The following CD96 variants were observed in gnomAD, a reference collection of about 807,000 sequenced individuals.
CD96 encodes T-cell surface protein tactile.
CD96 carries 70 observed loss-of-function variants against 71.3 expected under a neutral mutation model. The observed-to-expected ratio is 0.98, with a 90% confidence interval of 0.81 to 1.20. The LOEUF is 1.20. Ranked by LOEUF, CD96 falls within the 50% of genes most tolerant of loss-of-function variation. The pLI is 0.00. For synonymous variants in CD96, 248 were observed against 233.0 expected, an observed-to-expected ratio of 1.06 and a Z score of -0.59; for missense variants, 742 against 677.5, an observed-to-expected ratio of 1.10 and a Z score of -1.06.
chr3:111,575,653 T>C (rs1936189305), intron 3 of CD96, among the ~76,000 whole-genome samples: 2 of 152,244 alleles, frequency 1.3e-5, no homozygotes. Flanking sequence ...ACATTTATTC[T>C]CTCAAGTTCT....
At chr3:111,648,396 A>G (rs1257332640) in intron 13 of CD96, among the ~76,000 whole-genome samples, 1 of 152,218 alleles carries the variant, frequency 6.6e-6, no homozygotes, top group African/African-American at 2.4e-5. Flanking sequence ...TTTGCAGAGT[A>G]TCCTTGAAGA....
chr3:111,605,344 A>T (rs1937593575), intron 7 of CD96, among the ~76,000 whole-genome samples: 1 of 152,218 alleles, frequency 6.6e-6, no homozygotes, highest in Non-Finnish European at 1.5e-5. Context: ...AAGATCAAGA[A>T]GTCCCAGAAG....
intron 10 of CD96, among the ~76,000 whole-genome samples, chr3:111,632,834 T>C (rs1243053023): frequency 6.6e-6 from 1 of 151,928 alleles, no homozygotes; most frequent in African/African-American, 2.4e-5. Flanking sequence ...ATGGATGGAG[T>C]TGGAATCTGT....
chr3:111,619,652 G>A (rs1938420108), intron 8 of CD96, among the ~76,000 whole-genome samples: 1 of 152,136 alleles, frequency 6.6e-6, no homozygotes, highest in South Asian at 2.1e-4. Flanking sequence ...AAAACAAAAG[G>A]TACAAAGCAA....
At position 111,649,978 on chromosome 3, in the gene CD96, G is replaced by T. The variant is rs886057770; in HGVS notation, c.*172G>T. 52 of 656,084 alleles carry T rather than the reference G, an allele frequency of 7.9e-5. No individual in the cohort carries two copies. In the Middle Eastern group the frequency reaches 1.0e-3, roughly 13 times the overall value. 40.6% of individuals were successfully genotyped at this position (656,084 alleles called of 1,614,324 possible). On this transcript the variant is annotated 3_prime_UTR_variant, in exon 14 of 14. Coordinates refer to ENST00000352690, the MANE Select transcript of CD96 (RefSeq NM_005816.5). ...AACTCACCCTCTTCCATCTCCAAACGCCTGAAGCTTAACCAAGAGTGAGAG... is the reference window on the plus strand; with the variant it reads ...AACTCACCCTCTTCCATCTCCAAACTCCTGAAGCTTAACCAAGAGTGAGAG...
At chr3:111,640,285 GA>G (rs998907677) in intron 12 of CD96, among the ~76,000 whole-genome samples, 28 of 151,802 alleles carry the variant, frequency 1.8e-4, no homozygotes, top group East Asian at 5.8e-4. Flanking sequence ...ATAGCTTAAA[GA>G]AAAAAAACAA....
intron 12 of CD96, among the ~76,000 whole-genome samples, chr3:111,643,470 T>A (rs1033858208): frequency 6.6e-6 from 1 of 151,958 alleles, no homozygotes; most frequent in Admixed American, 6.5e-5. Flanking sequence ...GTACTGGAAG[T>A]CCTAGCCAAA....
intron 3 of CD96, among the ~76,000 whole-genome samples, chr3:111,576,668 A>G (rs1936235114): frequency 6.6e-6 from 1 of 152,202 alleles, no homozygotes; most frequent in Non-Finnish European, 1.5e-5. Context: ...AATTTATTCT[A>G]CATAGTTGTA....
chr3:111,609,046 C>T (rs1054446057), intron 8 of CD96, among the ~76,000 whole-genome samples: 13 of 151,982 alleles, frequency 8.6e-5, no homozygotes, highest in African/African-American at 2.9e-4. Flanking sequence ...AAATGTTACC[C>T]GGGAGAGATG....
intron 12 of CD96, among the ~76,000 whole-genome samples, chr3:111,640,614 T>C (rs970278228): frequency 1.3e-5 from 2 of 152,160 alleles, no homozygotes; most frequent in Non-Finnish European, 2.9e-5. Flanking sequence ...GCCCTAGATG[T>C]GCAAATACAA....
intron 5 of CD96, chr3:111,594,401 T>G: frequency 1.7e-6 from 1 of 572,584 alleles, no homozygotes; most frequent in Non-Finnish European, 3.0e-6. Context: ...GTGAGTCAGA[T>G]ACAAGCAAAA....
At chr3:111,561,331 T>G (rs1031779643) in intron 2 of CD96, among the ~76,000 whole-genome samples, 8 of 149,294 alleles carry the variant, frequency 5.4e-5, no homozygotes, top group Admixed American at 6.7e-5. Context: ...TTTCCCCATC[T>G]TTGTGGTTTT....
At chr3:111,543,632 G>A (rs1934224860) in intron 1 of CD96, among the ~76,000 whole-genome samples, 1 of 152,134 alleles carries the variant, frequency 6.6e-6, no homozygotes, top group South Asian at 2.1e-4. Context: ...ATTAAGTATA[G>A]GTTACTTAGA....
At chr3:111,638,853 A>AT (rs1388742340) in intron 12 of CD96, among the ~76,000 whole-genome samples, 1 of 152,204 alleles carries the variant, frequency 6.6e-6, no homozygotes, top group Non-Finnish European at 1.5e-5. Context: ...CACTACAAAG[A>AT]TTTTAATATA....
intron 8 of CD96, among the ~76,000 whole-genome samples, chr3:111,612,488 G>A (rs1477276539): frequency 1.3e-5 from 2 of 152,172 alleles, no homozygotes; most frequent in African/African-American, 4.8e-5. Context: ...CCTCCAATGT[G>A]TATGGACTGT....
chr3:111,616,298 T>A (rs1339790650), intron 8 of CD96, among the ~76,000 whole-genome samples: 2 of 152,194 alleles, frequency 1.3e-5, no homozygotes, highest in South Asian at 2.1e-4. Context: ...AATGGAGAAT[T>A]TTTTTAAGTA....
intron 4 of CD96, among the ~76,000 whole-genome samples, chr3:111,584,208 G>A (rs1198846403): frequency 1.3e-5 from 2 of 152,148 alleles, no homozygotes; most frequent in South Asian, 2.1e-4. Context: ...CATAACAAGA[G>A]TCACCTTTGC....
At position 111,652,213 on chromosome 3, in the gene CD96, T is replaced by G. The variant is rs1940114255; in HGVS notation, c.*2407T>G. On this transcript the variant is annotated 3_prime_UTR_variant, in exon 14 of 14. Coordinates refer to ENST00000352690, the MANE Select transcript of CD96 (RefSeq NM_005816.5). ...ACAGATAACTATACAGCTCAACAAC[T>G]AGAAAAATAAACTGTTTACCTGCCT... 6.6e-6 allele frequency: 1 copy of G among 152,166 alleles called. No homozygotes were observed. The highest frequency in any genetic ancestry group is 1.5e-5 in the Non-Finnish European group (1 of 68,026). 9.4% of individuals were successfully genotyped at this position (152,166 alleles called of 1,614,324 possible).
intron 14 of CD96, among the ~76,000 whole-genome samples, chr3:111,662,590 C>T (rs971376872): frequency 1.3e-5 from 2 of 152,216 alleles, no homozygotes; most frequent in Admixed American, 1.3e-4. Context: ...AATTTCTTCT[C>T]CCAGATATTC....
Sources: allele counts gnomAD v4.1 joint callset (sites outside exome capture counted in the v4.1 genomes callset), GRCh38; gene constraint gnomAD v4.1.1; transcripts MANE v1.5; gene names NCBI Gene and HGNC (gene_info 2026-07-23, HGNC 2026-07-21).